SHROOM4: variants seen among roughly 807,000 people sequenced by gnomAD.
The protein encoded by SHROOM4 is protein Shroom4.
A neutral mutation model predicts 80.3 loss-of-function variants in SHROOM4; 17 were observed. That is an observed-to-expected ratio of 0.21 (90% CI 0.14 to 0.32). SHROOM4 has a LOEUF of 0.32. Ranked by LOEUF, SHROOM4 falls within the 10% of genes least tolerant of loss-of-function variation. The pLI is 1.00. For synonymous variants in SHROOM4, 400 were observed against 437.5 expected (o/e 0.91, Z 1.07); for missense variants, 993 against 1,140.3 (o/e 0.87, Z 1.86).
intron 1 of SHROOM4, among the ~76,000 whole-genome samples, chrX:50,731,521 T>C (rs1557266301): frequency 8.9e-6 from 1 of 112,199 alleles, no homozygotes; most frequent in Non-Finnish European, 1.9e-5. Flanking sequence ...TCCCCACTCA[T>C]GGAAGAGAGG....
intron 4 of SHROOM4, among the ~76,000 whole-genome samples, chrX:50,629,142 T>C (rs1437296764): frequency 1.8e-5 from 2 of 110,777 alleles, no homozygotes; most frequent in African/African-American, 6.6e-5. Flanking sequence ...ATCACTCTAC[T>C]TTTTTTTTCC....
In SHROOM4 at chrX:50,624,613, C is replaced by CTTT. The variant is rs36097095; in HGVS notation, c.2957+2998_2957+3000dup. 1.6e-3 allele frequency among the ~76,000 whole-genome samples: 149 copies of CTTT among 92,427 alleles called. 1 individual carries two copies. Among genetic ancestry groups the CTTT allele is most frequent in the African/African-American group, 5.1e-3 (131 of 25,450 alleles). 80.3% of individuals were successfully genotyped at this position (92,427 alleles called of 115,157 possible). ...TCAGAGTTGTTTTTTATCTTTTTAT[C>CTTT]TTTTTTTTTTTTTTTTTGAGACAGG... On this transcript the variant is annotated intron_variant, in intron 5 of 8. Coordinates refer to ENST00000376020, the MANE Select transcript of SHROOM4 (RefSeq NM_020717.5).
intron 1 of SHROOM4, among the ~76,000 whole-genome samples, chrX:50,725,099 T>C (rs1243017342): frequency 8.9e-6 from 1 of 112,097 alleles, no homozygotes; most frequent in African/African-American, 3.2e-5. Context: ...CCCAGTTTTA[T>C]GGATACAAGG....
chrX:50,766,404 TA>T (rs1297017676), intron 1 of SHROOM4, among the ~76,000 whole-genome samples: 10 of 107,998 alleles, frequency 9.3e-5, no homozygotes, highest in Non-Finnish European at 1.5e-4. Context: ...TTGCCTCATT[TA>T]AAAAAAAAAC....
At chrX:50,729,209 C>A (rs1934308938) in intron 1 of SHROOM4, among the ~76,000 whole-genome samples, 1 of 111,385 alleles carries the variant, frequency 9.0e-6, no homozygotes, top group Non-Finnish European at 1.9e-5. Context: ...GTTGGACTTA[C>A]CCAAGACTAT....
At chrX:50,600,897 C>T (rs1437793828) in intron 7 of SHROOM4, among the ~76,000 whole-genome samples, 1 of 112,014 alleles carries the variant, frequency 8.9e-6, no homozygotes, top group Non-Finnish European at 1.9e-5. Flanking sequence ...TCTGCTCTCC[C>T]AAATAAAAGT....
At chrX:50,751,391 A>G (rs1557268033) in intron 1 of SHROOM4, among the ~76,000 whole-genome samples, 1 of 112,433 alleles carries the variant, frequency 8.9e-6, no homozygotes, top group Non-Finnish European at 1.9e-5. Flanking sequence ...ACCTACCAGT[A>G]GAACTCAGAC....
At chrX:50,776,030 A>G (rs1474455014) in intron 1 of SHROOM4, among the ~76,000 whole-genome samples, 3 of 112,093 alleles carry the variant, frequency 2.7e-5, no homozygotes, top group Non-Finnish European at 5.6e-5. Context: ...GCAACTGACT[A>G]GGAAAGAGCA....
chrX:50,600,370 A>G (rs1929338275), intron 7 of SHROOM4, among the ~76,000 whole-genome samples: 1 of 111,465 alleles, frequency 9.0e-6, no homozygotes, highest in Non-Finnish European at 1.9e-5. Context: ...GTGCCAGACT[A>G]CCAGAGTTTG....
chrX:50,630,594 C>A (rs1931015386), intron 4 of SHROOM4, among the ~76,000 whole-genome samples: 1 of 110,925 alleles, frequency 9.0e-6, no homozygotes, highest in Non-Finnish European at 1.9e-5. Context: ...TGAATATATT[C>A]AAACATACAA....
At chrX:50,660,478 T>C (rs1303032278) in intron 2 of SHROOM4, among the ~76,000 whole-genome samples, 1 of 109,543 alleles carries the variant, frequency 9.1e-6, no homozygotes, top group African/African-American at 3.3e-5. Context: ...CTTAAATTAA[T>C]CTATACTGCT....
Position 50,777,638 on chromosome X carries a change from G to A in SHROOM4, c.117+36264C>T, listed in dbSNP as rs187319783. Among the ~76,000 whole-genome samples, 261 of 111,713 alleles carry A rather than the reference G, an allele frequency of 2.3e-3. 1 individual carries two copies. Among genetic ancestry groups the A allele is most frequent in the African/African-American group, 8.1e-3 (248 of 30,780 alleles). ...GGAAGGATACAGACAATATGACCAG[G>A]AGTGTGATCTCAAATATATATTACT... On this transcript the variant is annotated intron_variant, in intron 1 of 8. Coordinates refer to ENST00000376020, the MANE Select transcript of SHROOM4 (RefSeq NM_020717.5).
intron 1 of SHROOM4, among the ~76,000 whole-genome samples, chrX:50,714,780 C>A (rs1933906587): frequency 8.9e-6 from 1 of 111,898 alleles, no homozygotes; most frequent in Non-Finnish European, 1.9e-5. Context: ...AAAGTTGATA[C>A]ACCTGCCCAA....
the SHROOM4 span, among the ~76,000 whole-genome samples, chrX:50,580,480 T>G: frequency 8.9e-6 from 1 of 112,417 alleles, no homozygotes. Context: ...TTTGAATTAA[T>G]TTTTTGCTAC....
At chrX:50,795,062 GATATATATATATGAT>G in intron 1 of SHROOM4, among the ~76,000 whole-genome samples, 1 of 34,049 alleles carries the variant, frequency 2.9e-5, no homozygotes, top group African/African-American at 1.3e-4. Context: ...ATATATATAT[GATATATATATATGAT>G]ATATATATAT....
chrX:50,641,494 C>G (rs945575580), intron 2 of SHROOM4, among the ~76,000 whole-genome samples: 6 of 112,117 alleles, frequency 5.4e-5, no homozygotes, highest in Non-Finnish European at 7.5e-5. Flanking sequence ...GTTATTAGCT[C>G]AGACTTGTAC....
At chrX:50,762,356 T>TTTATA (rs1935178307) in intron 1 of SHROOM4, among the ~76,000 whole-genome samples, 1 of 111,948 alleles carries the variant, frequency 8.9e-6, no homozygotes, top group Non-Finnish European at 1.9e-5. Flanking sequence ...TCTCTCTATA[T>TTTATA]GTTACAGGCC....
At chrX:50,641,901 T>G (rs1931616621) in intron 2 of SHROOM4, among the ~76,000 whole-genome samples, 1 of 112,590 alleles carries the variant, frequency 8.9e-6, no homozygotes, top group Non-Finnish European at 1.9e-5. Flanking sequence ...CGTGAGCCAC[T>G]GCGCCTGGCT....
downstream of SHROOM4, among the ~76,000 whole-genome samples, chrX:50,583,155 T>C (rs1286269252): frequency 9.1e-6 from 1 of 110,276 alleles, no homozygotes; most frequent in Admixed American, 9.8e-5. Context: ...GTCATTATTA[T>C]GCAGTAGCCT....
Sources: allele counts gnomAD v4.1 joint callset (sites outside exome capture counted in the v4.1 genomes callset), GRCh38; gene constraint gnomAD v4.1.1; transcripts MANE v1.5; gene names NCBI Gene and HGNC (gene_info 2026-07-23, HGNC 2026-07-21).